DAB2IP: variants seen among roughly 807,000 people sequenced by gnomAD.
DAB2IP encodes the protein DAB2 interacting protein.
DAB2IP carries 28 observed loss-of-function variants against 107.2 expected under a neutral mutation model. The observed-to-expected ratio is 0.26, with a 90% confidence interval of 0.19 to 0.36. The LOEUF is 0.36. Among genes scored for constraint, DAB2IP ranks in the 10% least tolerant of loss-of-function variants. The pLI is 1.00. For synonymous variants in DAB2IP, 755 were observed against 706.4 expected, an observed-to-expected ratio of 1.07 and a Z score of -1.09; for missense variants, 1,400 against 1,644.7, an observed-to-expected ratio of 0.85 and a Z score of 2.57.
Position 121,662,450 on chromosome 9 carries a change from C to A in DAB2IP, c.124+10551C>A, listed in dbSNP as rs1833249299. On this transcript the variant is annotated intron_variant, in intron 1 of 15. Coordinates refer to ENST00000408936, the Ensembl canonical transcript of DAB2IP. The surrounding 1 kb of genome is among the most constrained non-coding windows in gnomAD (Gnocchi z 4.6). ...AGAACATAGGGAGTTATATGAAATT[C>A]AAATTTCAATGCCCATAAATAAAGT... is the stretch of plus-strand genomic sequence containing the variant. 6.6e-6 allele frequency among the ~76,000 whole-genome samples: 1 copy of A among 152,198 alleles called. No homozygotes were observed. The highest frequency in any genetic ancestry group is 6.5e-5 in the Admixed American group (1 of 15,284).
rs536545936 is a variant in DAB2IP at position 121,749,433 on chromosome 9, G to C, written c.363-7580G>C. 2.6e-5 allele frequency among the ~76,000 whole-genome samples: 4 copies of C among 152,350 alleles called. No homozygotes were observed. The East Asian group carries it at 7.7e-4, about 29-fold the overall frequency. On this transcript the variant is annotated intron_variant, in intron 3 of 15. Transcript: ENST00000408936. ...GTTCTGACCTGATGAGGCCTAGAGAGTCTGCTGAAGTCCTGACTGCAGAAC... is the reference window on the plus strand; with the variant it reads ...GTTCTGACCTGATGAGGCCTAGAGACTCTGCTGAAGTCCTGACTGCAGAAC...
intron 3 of DAB2IP, among the ~76,000 whole-genome samples, chr9:121,756,404 C>G (rs1564203756): frequency 6.6e-6 from 1 of 152,194 alleles, no homozygotes; most frequent in Non-Finnish European, 1.5e-5. Flanking sequence ...GAGTGTGTGT[C>G]TTGGGTACTG....
intron 1 of DAB2IP, among the ~76,000 whole-genome samples, chr9:121,654,458 T>G (rs548355307): frequency 3.3e-5 from 5 of 151,956 alleles, no homozygotes; most frequent in Admixed American, 6.6e-5. Flanking sequence ...TTGTTTGTTT[T>G]TTTAAAAAAA....
At chr9:121,631,602 G>C (rs1259870255) in intron 1 of DAB2IP, among the ~76,000 whole-genome samples, 1 of 152,046 alleles carries the variant, frequency 6.6e-6, no homozygotes, top group African/African-American at 2.4e-5. Flanking sequence ...CGGATAACAA[G>C]GTCAAGAGAT....
intron 1 of DAB2IP, among the ~76,000 whole-genome samples, chr9:121,631,947 C>T (rs1040928938): frequency 2.6e-5 from 4 of 151,520 alleles, no homozygotes; most frequent in African/African-American, 4.9e-5. Flanking sequence ...TGTGGAGAGA[C>T]GATGGGAGAG....
At chr9:121,714,226 A>T (rs1202896397) in intron 3 of DAB2IP, among the ~76,000 whole-genome samples, 1 of 152,174 alleles carries the variant, frequency 6.6e-6, no homozygotes, top group African/African-American at 2.4e-5. Context: ...ACATGAAGTG[A>T]TGTTTGTGCT....
intron 11 of DAB2IP, among the ~76,000 whole-genome samples, chr9:121,771,440 T>A (rs953253632): frequency 1.3e-5 from 2 of 152,054 alleles, no homozygotes; most frequent in Non-Finnish European, 2.9e-5. Flanking sequence ...CCCAAGGTGG[T>A]GGCAGGGCAG....
intron 1 of DAB2IP, among the ~76,000 whole-genome samples, chr9:121,569,817 C>T (rs1438901760): frequency 2.6e-5 from 4 of 152,160 alleles, no homozygotes; most frequent in Non-Finnish European, 5.9e-5. Context: ...AGCGAGATGC[C>T]ATCTCAGAAG....
In DAB2IP at chr9:121,760,960, C is replaced by T. The variant is rs962404031; in HGVS notation, c.1170+521C>T. Reference sequence around the variant, plus strand: ...ACAGGTAGACACAGTCAAAATTGTACTATTCGAGGGTTAGCCAGCCCCACC... The same window carrying T: ...ACAGGTAGACACAGTCAAAATTGTATTATTCGAGGGTTAGCCAGCCCCACC... On this transcript the variant is annotated intron_variant, in intron 6 of 15. Coordinates refer to ENST00000408936, the Ensembl canonical transcript of DAB2IP. The surrounding 1 kb of genome is among the most constrained non-coding windows in gnomAD (Gnocchi z 5.9). Among the ~76,000 whole-genome samples the T allele has an allele frequency of 4.6e-5, 7 of 152,202 alleles. No homozygotes were observed. Among genetic ancestry groups the T allele is most frequent in the African/African-American group, 1.7e-4 (7 of 41,440 alleles).
chr9:121,759,929 C>T (rs1478138753), exon 6 of DAB2IP: 11 of 1,613,890 alleles, frequency 6.8e-6, no homozygotes, highest in African/African-American at 6.7e-5. Context: ...TGTGGGTGAT[C>T]GAGGCCAAGG....
At chr9:121,615,041 C>G (rs539404995) in intron 1 of DAB2IP, among the ~76,000 whole-genome samples, 2 of 152,142 alleles carry the variant, frequency 1.3e-5, no homozygotes, top group East Asian at 3.9e-4. Context: ...GCCTCTTTTC[C>G]TTTCAGAAGT....
intron 1 of DAB2IP, among the ~76,000 whole-genome samples, chr9:121,625,428 A>G (rs1476630334): frequency 1.3e-5 from 2 of 150,936 alleles, no homozygotes; most frequent in African/African-American, 4.9e-5. Flanking sequence ...TTAAATTTTA[A>G]TTTTTACCTT....
rs747152150 is a variant in DAB2IP, at chr9:121,759,004, T to C, written c.615+8T>C. The stretch of plus-strand genomic sequence containing the variant: ...GCGGTGCATCCCAACAAGGTAAGCC[T>C]GCGCCCCTCTCACCAAAGCATGGGG... On this transcript the variant is annotated splice_region_variant and intron_variant, in intron 5 of 15. Coordinates refer to ENST00000408936, the Ensembl canonical transcript of DAB2IP. The C allele has an allele frequency of 6.2e-7, 1 of 1,607,652 alleles. No individual in the cohort carries two copies. The highest frequency in any genetic ancestry group is 8.5e-7 in the Non-Finnish European group (1 of 1,177,484).
chr9:121,740,106 AAAG>A (rs1720931600), intron 3 of DAB2IP, among the ~76,000 whole-genome samples: 2 of 152,292 alleles, frequency 1.3e-5, no homozygotes, highest in African/African-American at 4.8e-5. Flanking sequence ...AGCAGTGAGC[AAAG>A]AAGTGCGTGA....
chr9:121,766,790 C>A, intron 9 of DAB2IP, 60 bp downstream of exon 9: 15 of 1,557,818 alleles, frequency 9.6e-6, no homozygotes, highest in Non-Finnish European at 1.3e-5. Flanking sequence ...CAGGGCAGGC[C>A]CTGGGGGTGT....
At chr9:121,750,328 C>CGT (rs1564198724) in intron 3 of DAB2IP, among the ~76,000 whole-genome samples, 1 of 151,878 alleles carries the variant, frequency 6.6e-6, no homozygotes, top group East Asian at 2.0e-4. Context: ...TGTGCGCGCG[C>CGT]GCGTGTGTGT....
At chr9:121,695,129 T>C (rs1014849146) in intron 2 of DAB2IP, among the ~76,000 whole-genome samples, 1 of 150,922 alleles carries the variant, frequency 6.6e-6, no homozygotes, top group African/African-American at 2.5e-5. Context: ...TGAGGTTGCT[T>C]TAGGAAAAAA....
chr9:121,596,832 C>T lies in DAB2IP; in HGVS notation c.40+29604C>T, dbSNP rs572529017. Among the ~76,000 whole-genome samples the T allele has an allele frequency of 2.6e-5, 4 of 152,180 alleles. No individual in the cohort carries two copies. In the South Asian group the frequency reaches 8.3e-4, roughly 32 times the overall value. ...TGCCAAATTGTTTCCCAGAGTGGCTCTACCCATTTCCACTCCTGCCTGCAG... is the reference window on the plus strand; with the variant it reads ...TGCCAAATTGTTTCCCAGAGTGGCTTTACCCATTTCCACTCCTGCCTGCAG... On this transcript the variant is annotated intron_variant, in intron 1 of 16. Transcript: ENST00000259371.
In DAB2IP at chr9:121,760,511, C is replaced by T. The variant is rs931920665; in HGVS notation, c.1170+72C>T. ...TGGGTTACCTGCCCTTCCTCACATC[C>T]GTACATTTCAGGCCTAACAGAGGCC... On this transcript the variant is annotated intron_variant, in intron 6 of 15. Transcript: ENST00000408936. This position sits in a 1 kb window ranked among gnomAD's most constrained non-coding sequence, Gnocchi z 5.9. 6.5e-5 allele frequency: 96 copies of T among 1,467,968 alleles called. No individual in the cohort carries two copies. Among genetic ancestry groups the T allele is most frequent in the South Asian group, 8.4e-5 (6 of 71,402 alleles). 90.9% of individuals were successfully genotyped at this position (1,467,968 alleles called of 1,614,324 possible). A position where few individuals can be genotyped will look rare whatever the true frequency, so the allele number is the denominator to read the frequency against.
Sources: allele counts gnomAD v4.1 joint callset (sites outside exome capture counted in the v4.1 genomes callset), GRCh38; gene constraint gnomAD v4.1.1; non-coding constraint Gnocchi (gnomAD v3.1); transcripts MANE v1.5; gene names NCBI Gene and HGNC (gene_info 2026-07-23, HGNC 2026-07-21).